DCC: variants seen among roughly 807,000 people sequenced by gnomAD.
DCC encodes the protein netrin receptor DCC.
A neutral mutation model predicts 172.5 loss-of-function variants in DCC; 58 were observed. The observed-to-expected ratio is 0.34, with a 90% CI of 0.27 to 0.42. The LOEUF (loss-of-function observed/expected upper bound fraction) is 0.42. Ranked by LOEUF, DCC falls within the 10% of genes least tolerant of loss-of-function variation. The pLI, the probability that DCC is intolerant of heterozygous loss-of-function variation, is 1.00. For synonymous variants in DCC, 709 were observed against 644.5 expected (o/e 1.10, Z -1.52); for missense variants, 1,740 against 1,791.0 (o/e 0.97, Z 0.51).
At chr18:52,522,550 C>T (rs1054685262) in intron 1 of DCC, among the ~76,000 whole-genome samples, 3 of 152,226 alleles carry the variant, frequency 2.0e-5, no homozygotes, top group African/African-American at 4.8e-5. Context: ...CTGCATATTG[C>T]GTTATTTACT....
intron 1 of DCC, among the ~76,000 whole-genome samples, chr18:52,716,774 A>G (rs1168244216): frequency 6.6e-6 from 1 of 152,142 alleles, no homozygotes; most frequent in Non-Finnish European, 1.5e-5. Context: ...ATTTATGCAT[A>G]TGATTTGACT....
chr18:52,888,024 A>G (rs948360608), intron 2 of DCC, among the ~76,000 whole-genome samples: 2 of 152,266 alleles, frequency 1.3e-5, no homozygotes, highest in Non-Finnish European at 2.9e-5. Context: ...TTATCACTTA[A>G]TAAATGAAGT....
At chr18:53,381,285 T>G (rs552230396) in intron 15 of DCC, among the ~76,000 whole-genome samples, 1 of 152,004 alleles carries the variant, frequency 6.6e-6, no homozygotes, top group Non-Finnish European at 1.5e-5. Context: ...AATCCAGTAA[T>G]GTTACAGAAG....
chr18:52,427,915 CA>C (rs1380290101), intron 1 of DCC, among the ~76,000 whole-genome samples: 1 of 143,728 alleles, frequency 7.0e-6, no homozygotes, highest in Non-Finnish European at 1.5e-5. Flanking sequence ...TTGAAACACT[CA>C]AAGTATTATC....
chr18:53,458,174 C>T (rs2045506367), intron 23 of DCC, among the ~76,000 whole-genome samples: 1 of 152,082 alleles, frequency 6.6e-6, no homozygotes, highest in Non-Finnish European at 1.5e-5. Flanking sequence ...TAACAGTTTG[C>T]ATTATTTCTT....
chr18:52,800,515 G>A (rs10469016), intron 2 of DCC, among the ~76,000 whole-genome samples: 26,033 of 152,018 alleles, frequency 0.17, 2,345 homozygotes, highest in Middle Eastern at 0.24. Context: ...TGAATATGAC[G>A]ATGATAATAT....
chr18:52,563,985 A>G (rs191027277), intron 1 of DCC, among the ~76,000 whole-genome samples: 37 of 152,276 alleles, frequency 2.4e-4, no homozygotes, highest in African/African-American at 7.5e-4. Flanking sequence ...CACCGGTCCA[A>G]TATAGCATTC....
intron 1 of DCC, among the ~76,000 whole-genome samples, chr18:52,370,156 G>A (rs1008985835): frequency 2.2e-4 from 34 of 152,152 alleles, no homozygotes; most frequent in African/African-American, 7.5e-4. Flanking sequence ...TCTCATTGTG[G>A]AAGACAGTGT....
At chr18:52,420,634 A>C (rs1001090190) in intron 1 of DCC, among the ~76,000 whole-genome samples, 2 of 152,198 alleles carry the variant, frequency 1.3e-5, no homozygotes, top group Non-Finnish European at 2.9e-5. Context: ...TACATGGGAA[A>C]TCATGGGGCC....
intron 2 of DCC, among the ~76,000 whole-genome samples, chr18:52,817,606 A>G (rs569146907): frequency 5.9e-5 from 9 of 152,220 alleles, no homozygotes; most frequent in African/African-American, 2.2e-4. Context: ...TCTAATATAT[A>G]TTTTCATCTT....
chr18:53,101,681 C>T (rs773547444), intron 7 of DCC, among the ~76,000 whole-genome samples: 2 of 152,002 alleles, frequency 1.3e-5, no homozygotes, highest in African/African-American at 2.4e-5. Flanking sequence ...CAGCCATTCT[C>T]CCAGGATGAG....
chr18:53,134,372 T>C (rs2043705298), intron 7 of DCC, among the ~76,000 whole-genome samples: 1 of 152,156 alleles, frequency 6.6e-6, no homozygotes, highest in African/African-American at 2.4e-5. Flanking sequence ...AAGCTGAATA[T>C]GGAGAAGGTT....
intron 1 of DCC, among the ~76,000 whole-genome samples, chr18:52,501,318 T>C (rs1284322924): frequency 6.6e-6 from 1 of 152,128 alleles, no homozygotes; most frequent in Non-Finnish European, 1.5e-5. Flanking sequence ...ACAAATGGTA[T>C]GCCAGAATCA....
chr18:52,783,321 C>CTG (rs1568100450), intron 2 of DCC, among the ~76,000 whole-genome samples: 4 of 62,122 alleles, frequency 6.4e-5, no homozygotes, highest in African/African-American at 2.5e-4. Context: ...TATACTACTA[C>CTG]TCTTTTTTTT....
At chr18:52,914,969 A>G (rs1029980001) in intron 3 of DCC, among the ~76,000 whole-genome samples, 5 of 152,156 alleles carry the variant, frequency 3.3e-5, no homozygotes, top group African/African-American at 9.7e-5. Context: ...CAGGAATTTA[A>G]TAAAGAAAAC....
intron 5 of DCC, among the ~76,000 whole-genome samples, chr18:53,021,511 G>A (rs148677568): frequency 6.6e-6 from 1 of 152,144 alleles, no homozygotes; most frequent in East Asian, 1.9e-4. Context: ...CATCCTCTGA[G>A]AGGAAGTACT....
intron 2 of DCC, among the ~76,000 whole-genome samples, chr18:52,808,350 C>G (rs1026517388): frequency 6.6e-6 from 1 of 150,780 alleles, no homozygotes; most frequent in African/African-American, 2.4e-5. Flanking sequence ...TCATAGGTGA[C>G]ATACCAGTAG....
At chr18:52,696,526 G>A (rs887352714) in intron 1 of DCC, among the ~76,000 whole-genome samples, 2 of 152,194 alleles carry the variant, frequency 1.3e-5, no homozygotes. Flanking sequence ...ATTAGATTCA[G>A]CCTTCTACAA....
chr18:52,351,798 T>A (rs2144245910), intron 1 of DCC, among the ~76,000 whole-genome samples: 1 of 152,342 alleles, frequency 6.6e-6, no homozygotes, highest in South Asian at 2.1e-4. Flanking sequence ...ATTTTGTCCC[T>A]ATTACTATTT....
Sources: allele counts gnomAD v4.1 joint callset (sites outside exome capture counted in the v4.1 genomes callset), GRCh38; gene constraint gnomAD v4.1.1; transcripts MANE v1.5; gene names NCBI Gene and HGNC (gene_info 2026-07-23, HGNC 2026-07-21).